Variants in MEIKIN observed in about 807,000 individuals in gnomAD.
MEIKIN encodes the protein meiotic kinetochore factor.
intron 9 of MEIKIN, among the ~76,000 whole-genome samples, chr5:131,876,257 G>T (rs951798127): frequency 6.6e-6 from 1 of 151,804 alleles, no homozygotes; most frequent in African/African-American, 2.4e-5. Flanking sequence ...CTGACAAAGG[G>T]CTAATATCCA....
At chr5:131,819,031 A>G (rs1164850188) in intron 11 of MEIKIN, among the ~76,000 whole-genome samples, 168 bp from the exon 12 acceptor site, 1 of 152,196 alleles carries the variant, frequency 6.6e-6, no homozygotes, top group Non-Finnish European at 1.5e-5. Context: ...GTTTTAAAAC[A>G]TATGTTCATT....
intron 8 of MEIKIN, among the ~76,000 whole-genome samples, chr5:131,904,041 C>G (rs1021352229): frequency 4.6e-5 from 7 of 151,688 alleles, no homozygotes; most frequent in Non-Finnish European, 8.8e-5. Flanking sequence ...AGACTTTAAC[C>G]AAGATCAAAA....
chr5:131,827,063 C>A (rs1188722137), intron 11 of MEIKIN, among the ~76,000 whole-genome samples: 1 of 152,162 alleles, frequency 6.6e-6, no homozygotes, highest in African/African-American at 2.4e-5. Context: ...TGGCTTACTG[C>A]AGCCTCAAAC....
At chr5:131,916,196 G>A (rs966433085) in intron 7 of MEIKIN, among the ~76,000 whole-genome samples, 3 of 152,032 alleles carry the variant, frequency 2.0e-5, no homozygotes, top group African/African-American at 7.3e-5. Flanking sequence ...AATTTTTTAA[G>A]CAAGTCCATC....
chr5:131,909,275 C>T lies in MEIKIN; in HGVS notation c.703+2540G>A, dbSNP rs138331093. ...CATAGATAAATCTATACATCTACAC[C>T]GAACTCATTTTTTACAAAGGTGCCA... is the stretch of plus-strand genomic sequence containing the variant. On this transcript the variant is annotated intron_variant, in intron 8 of 12. Transcript: ENST00000442687. 3.7e-3 allele frequency among the ~76,000 whole-genome samples: 568 copies of T among 152,144 alleles called. 4 individuals carry two copies. The highest frequency in any genetic ancestry group is 0.013 in the African/African-American group (533 of 41,506).
At chr5:131,869,139 G>C (rs749678007) in intron 9 of MEIKIN, among the ~76,000 whole-genome samples, 37 of 152,184 alleles carry the variant, frequency 2.4e-4, no homozygotes, top group Non-Finnish European at 1.5e-4. Context: ...ATGACCCATT[G>C]TGATTAATTC....
At chr5:131,836,993 A>G (rs1049226942) in intron 11 of MEIKIN, among the ~76,000 whole-genome samples, 18 of 151,730 alleles carry the variant, frequency 1.2e-4, no homozygotes, top group Middle Eastern at 3.2e-3. Context: ...CAGGATTTTC[A>G]TAGTTTTGGG....
At chr5:131,838,166 G>A (rs1017690828) in intron 11 of MEIKIN, among the ~76,000 whole-genome samples, 15 of 151,952 alleles carry the variant, frequency 9.9e-5, no homozygotes, top group African/African-American at 2.4e-4. Flanking sequence ...ATTGATTTGC[G>A]TATACTGACT....
chr5:131,816,824 GAA>G (rs1561720979), intron 12 of MEIKIN, among the ~76,000 whole-genome samples: 2 of 152,204 alleles, frequency 1.3e-5, no homozygotes, highest in Non-Finnish European at 2.9e-5. Flanking sequence ...TATGAAATAT[GAA>G]AAGTCAGCAC....
intron 8 of MEIKIN, among the ~76,000 whole-genome samples, chr5:131,886,441 G>C (rs191708240): frequency 3.3e-5 from 5 of 152,148 alleles, no homozygotes; most frequent in Non-Finnish European, 7.4e-5. Flanking sequence ...ACATACAATG[G>C]AGCTTCACTA....
intron 11 of MEIKIN, among the ~76,000 whole-genome samples, chr5:131,844,404 T>A (rs1451533157): frequency 6.6e-6 from 1 of 152,198 alleles, no homozygotes; most frequent in Non-Finnish European, 1.5e-5. Context: ...ATATGAGTCT[T>A]ACAATTTCCC....
chr5:131,900,771 G>A (rs1034061461), intron 8 of MEIKIN, among the ~76,000 whole-genome samples: 1 of 152,066 alleles, frequency 6.6e-6, no homozygotes, highest in Non-Finnish European at 1.5e-5. Context: ...GCCCAGGTGG[G>A]GTGCCTCCTG....
At chr5:131,834,930 T>C (rs775118054) in intron 11 of MEIKIN, among the ~76,000 whole-genome samples, 2 of 151,994 alleles carry the variant, frequency 1.3e-5, no homozygotes, top group Non-Finnish European at 2.9e-5. Context: ...GTACAAGGGT[T>C]CCATTTCCCT....
At chr5:131,836,505 C>T (rs534286821) in intron 11 of MEIKIN, among the ~76,000 whole-genome samples, 2 of 152,310 alleles carry the variant, frequency 1.3e-5, no homozygotes, top group South Asian at 4.1e-4. Flanking sequence ...CTAATTTACA[C>T]TCGCAATAAC....
At chr5:131,868,504 C>T (rs1245162329) in intron 9 of MEIKIN, among the ~76,000 whole-genome samples, 1 of 152,086 alleles carries the variant, frequency 6.6e-6, no homozygotes, top group African/African-American at 2.4e-5. Flanking sequence ...AGGTCTTTGG[C>T]CCATTTTTCA....
chr5:131,880,537 C>T (rs967087295), intron 8 of MEIKIN, among the ~76,000 whole-genome samples: 7 of 152,160 alleles, frequency 4.6e-5, no homozygotes, highest in Admixed American at 1.3e-4. Context: ...CCATGATACC[C>T]GGTCCAGCTT....
At chr5:131,944,860 GAAGT>G (rs1751935031) in intron 2 of MEIKIN, 108 bp from the exon 3 acceptor site, 1 of 398,396 alleles carries the variant, frequency 2.5e-6, no homozygotes, top group African/African-American at 2.1e-5. Context: ...TCTTTAGGAA[GAAGT>G]AAGGACCAGA....
rs1561743949 is a variant in MEIKIN, at chr5:131,885,362, AG to A, written c.704-6315del. The stretch of plus-strand genomic sequence containing the variant: ...CTGAAAGAGAGAGAGAGAGAGAGAG[AG>A]AGAGAGAGAGAGAGAGAGAGAGAGA... On this transcript the variant is annotated intron_variant, in intron 8 of 12. Coordinates refer to ENST00000442687, the MANE Select transcript of MEIKIN (RefSeq NM_001303622.2). Among the ~76,000 whole-genome samples, 76 of 26,454 alleles carry A rather than the reference AG, an allele frequency of 2.9e-3. 1 individual carries two copies. Among genetic ancestry groups the A allele is most frequent in the African/African-American group, 7.4e-3 (66 of 8,972 alleles). 17.4% of individuals were successfully genotyped at this position (26,454 alleles called of 152,430 possible).
intron 5 of MEIKIN, among the ~76,000 whole-genome samples, chr5:131,931,701 C>T (rs1391492277): frequency 1.3e-5 from 2 of 152,126 alleles, no homozygotes; most frequent in Admixed American, 6.5e-5. Context: ...AGGATGCAGG[C>T]GCCTGTCGAC....
Sources: gnomAD v4.1 joint callset for allele counts (sites outside exome capture counted in the v4.1 genomes callset) on GRCh38, gnomAD v4.1.1 for gene constraint, MANE v1.5 for transcripts, NCBI Gene and HGNC (gene_info 2026-07-23, HGNC 2026-07-21) for gene names.